Variants in SCAPER observed in about 807,000 individuals in gnomAD.
SCAPER encodes the protein S phase cyclin A-associated protein in the endoplasmic reticulum.
In SCAPER, 98 loss-of-function variants were observed where a neutral mutation model predicts 182.2. That is an observed-to-expected ratio of 0.54 (90% CI 0.46 to 0.64). The LOEUF is 0.64. SCAPER is among the 30% of genes least tolerant of loss of function. The pLI is 0.00. For missense variants in SCAPER, 1,432 were observed against 1,690.0 expected, an observed-to-expected ratio of 0.85 and a Z score of 2.68; for synonymous variants, 605 against 564.6, an observed-to-expected ratio of 1.07 and a Z score of -1.01.
intron 2 of SCAPER, among the ~76,000 whole-genome samples, chr15:76,876,438 CAAAAA>C (rs33959211): frequency 4.1e-5 from 5 of 122,752 alleles, no homozygotes; most frequent in Admixed American, 1.6e-4. Context: ...AAAACAAAAG[CAAAAA>C]AAAAAAAAAA....
At chr15:76,471,389 C>T in intron 24 of SCAPER, 54 bp from the exon 25 acceptor site, 1 of 1,531,592 alleles carries the variant, frequency 6.5e-7, no homozygotes. Context: ...CTTCTTTAAA[C>T]AATTAAAAAT....
intron 16 of SCAPER, among the ~76,000 whole-genome samples, chr15:76,729,805 C>A (rs972097171): frequency 1.3e-5 from 2 of 152,122 alleles, no homozygotes; most frequent in African/African-American, 4.8e-5. Flanking sequence ...TCATCATCAT[C>A]AAGCCAGAAG....
At chr15:76,475,241 ATT>A (rs1194573686) in intron 24 of SCAPER, among the ~76,000 whole-genome samples, 1 of 152,076 alleles carries the variant, frequency 6.6e-6, no homozygotes, top group Non-Finnish European at 1.5e-5. Context: ...ATTTACATTT[ATT>A]TTTTATCCCA....
intron 21 of SCAPER, among the ~76,000 whole-genome samples, chr15:76,658,426 G>A (rs1392237669): frequency 6.6e-6 from 1 of 151,924 alleles, no homozygotes; most frequent in Non-Finnish European, 1.5e-5. Context: ...CATAAACAAA[G>A]GCAAAAATAT....
intron 18 of SCAPER, among the ~76,000 whole-genome samples, chr15:76,704,511 G>A (rs1411259435): frequency 6.6e-6 from 1 of 152,144 alleles, no homozygotes; most frequent in African/African-American, 2.4e-5. Context: ...AAGGTGTAAG[G>A]AAGGGATCCA....
At chr15:76,382,573 T>C (rs1174994073) in intron 27 of SCAPER, among the ~76,000 whole-genome samples, 1 of 151,996 alleles carries the variant, frequency 6.6e-6, no homozygotes, top group Non-Finnish European at 1.5e-5. Flanking sequence ...CTGCCAAGCA[T>C]TCACCCTTTT....
At position 76,616,040 on chromosome 15, in the gene SCAPER, T is replaced by C. The variant is rs116737200; in HGVS notation, c.2711+5724A>G. 2.7e-3 allele frequency among the ~76,000 whole-genome samples: 410 copies of C among 152,222 alleles called. 2 individuals are homozygous for C. The highest frequency in any genetic ancestry group is 9.3e-3 in the African/African-American group (385 of 41,544). ...GCTGGTGAGAATGTAAAAAATGGTA[T>C]AGCTACTGTGGAAAACAGTGTGCTG... is the stretch of plus-strand genomic sequence containing the variant. On this transcript the variant is annotated intron_variant, in intron 22 of 31. Transcript: ENST00000563290.
At chr15:76,768,564 G>T (rs1454304232) in intron 10 of SCAPER, among the ~76,000 whole-genome samples, 1 of 152,114 alleles carries the variant, frequency 6.6e-6, no homozygotes, top group Admixed American at 6.5e-5. Context: ...TGGGCACTGG[G>T]TTTTCTTTTT....
chr15:76,467,130 G>C (rs550671963), intron 25 of SCAPER, among the ~76,000 whole-genome samples: 22 of 152,224 alleles, frequency 1.4e-4, no homozygotes, highest in African/African-American at 4.3e-4. Flanking sequence ...TGCCATGATT[G>C]TAAGTTTCTC....
chr15:76,555,912 C>T (rs2046160615), intron 23 of SCAPER, among the ~76,000 whole-genome samples: 1 of 152,118 alleles, frequency 6.6e-6, no homozygotes, highest in African/African-American at 2.4e-5. Flanking sequence ...CTGTCCTCCC[C>T]CAAATAACAG....
chr15:76,791,479 T>C lies in SCAPER; in HGVS notation c.772+3801A>G, dbSNP rs142460330. On this transcript the variant is annotated intron_variant, in intron 8 of 31. Transcript: ENST00000563290. ...CCTGGAATTTAGGGTGCAGGGGAAG[T>C]GAGTCCTGGCAGAAACCAGCATTCC... Among the ~76,000 whole-genome samples the C allele has an allele frequency of 1.1e-4, 16 of 152,092 alleles. No individual in the cohort carries two copies. In the East Asian group the frequency reaches 2.7e-3, roughly 26 times the overall value.
At chr15:76,584,510 A>G (rs1597508270) in intron 22 of SCAPER, among the ~76,000 whole-genome samples, 2 of 151,446 alleles carry the variant, frequency 1.3e-5, no homozygotes, top group East Asian at 1.9e-4. Context: ...GTATCAAAAT[A>G]TATCATGTAC....
chr15:76,676,660 T>C (rs1038127086), intron 20 of SCAPER, among the ~76,000 whole-genome samples: 1 of 151,930 alleles, frequency 6.6e-6, no homozygotes, highest in African/African-American at 2.4e-5. Context: ...TGCATTGAGA[T>C]GATACTATAT....
chr15:76,720,540 C>A (rs1422965420), intron 17 of SCAPER, among the ~76,000 whole-genome samples: 1 of 152,180 alleles, frequency 6.6e-6, no homozygotes, highest in Non-Finnish European at 1.5e-5. Context: ...TTTACAGTCC[C>A]ACCAACAGTG....
At chr15:76,608,174 G>A (rs1480618374) in intron 22 of SCAPER, among the ~76,000 whole-genome samples, 1 of 151,994 alleles carries the variant, frequency 6.6e-6, no homozygotes, top group African/African-American at 2.4e-5. Flanking sequence ...TTTGATGATG[G>A]TGACGTACAG....
At chr15:76,845,018 A>C (rs532365418) in intron 4 of SCAPER, among the ~76,000 whole-genome samples, 19 of 152,310 alleles carry the variant, frequency 1.2e-4, no homozygotes, top group African/African-American at 4.6e-4. Flanking sequence ...CATTAAAAAG[A>C]TCATTCATCA....
chr15:76,717,539 G>C (rs1393326294), intron 17 of SCAPER, among the ~76,000 whole-genome samples: 2 of 152,054 alleles, frequency 1.3e-5, no homozygotes, highest in African/African-American at 4.8e-5. Flanking sequence ...TAACTTGTGG[G>C]ATGGACAGTA....
chr15:76,440,930 T>G (rs1293163480), intron 25 of SCAPER, among the ~76,000 whole-genome samples: 1 of 140,478 alleles, frequency 7.1e-6, no homozygotes, highest in African/African-American at 2.7e-5. Context: ...TTTTTTTTTT[T>G]TTTTTTTTGG....
chr15:76,482,766 G>A (rs1208206140), intron 24 of SCAPER, among the ~76,000 whole-genome samples: 2 of 151,170 alleles, frequency 1.3e-5, no homozygotes, highest in African/African-American at 2.4e-5. Flanking sequence ...AAAAAAAAGA[G>A]AAATATTCAA....
Sources: gnomAD v4.1 joint callset for allele counts (sites outside exome capture counted in the v4.1 genomes callset) on GRCh38, gnomAD v4.1.1 for gene constraint, MANE v1.5 for transcripts, NCBI Gene and HGNC (gene_info 2026-07-23, HGNC 2026-07-21) for gene names.